Variants in PRR5 observed in about 807,000 individuals in gnomAD.
PRR5 encodes the protein proline rich 5.
PRR5 carries 25 observed loss-of-function variants against 30.6 expected under a neutral mutation model. That is an observed-to-expected ratio of 0.82 (90% CI 0.60 to 1.14). The LOEUF is 1.14. PRR5 is among the 50% of genes most tolerant of loss of function. PRR5 has a pLI of 0.00. For missense variants in PRR5, 600 were observed against 547.1 expected, an observed-to-expected ratio of 1.10 and a Z score of -0.96; for synonymous variants, 286 against 247.1, an observed-to-expected ratio of 1.16 and a Z score of -1.48.
intron 1 of PRR5, among the ~76,000 whole-genome samples, chr22:44,705,094 A>G (rs1042380338): frequency 8.5e-5 from 13 of 152,114 alleles, no homozygotes; most frequent in Non-Finnish European, 1.8e-4. Context: ...AGCTTCCCAG[A>G]GCTGCTGTAA....
upstream of PRR5, among the ~76,000 whole-genome samples, chr22:44,672,095 C>T (rs1254672176): frequency 6.6e-6 from 1 of 152,176 alleles, no homozygotes; most frequent in Admixed American, 6.5e-5. Context: ...GTTGGGGTGG[C>T]CCTAAGGGTA....
chr22:44,710,248 C>T (rs1204770545), intron 1 of PRR5, among the ~76,000 whole-genome samples: 1 of 151,722 alleles, frequency 6.6e-6, no homozygotes, highest in Non-Finnish European at 1.5e-5. Context: ...CAGCATGGAG[C>T]CTCCCTAAGG....
At chr22:44,716,661 G>A (rs1929098489) in intron 2 of PRR5, among the ~76,000 whole-genome samples, 2 of 152,152 alleles carry the variant, frequency 1.3e-5, no homozygotes, top group Non-Finnish European at 2.9e-5. Flanking sequence ...GAGGTCACAG[G>A]GCTAATAATG....
rs1363362786 is a variant in PRR5 at position 44,679,846 on chromosome 22, G to A, written c.-11+2606G>A. ...CAGAGGGAAGCCTGGGGCTCGGGAA[G>A]CCCGGAAAAGATGCCGGCGCAGCCT... On this transcript the variant is annotated intron_variant, in intron 1 of 8. Coordinates refer to the PRR5 transcript ENST00000006251. 7 of 1,598,462 alleles carry A rather than the reference G, an allele frequency of 4.4e-6. No individual in the cohort carries two copies. The African/African-American group carries it at 5.4e-5, about 12-fold the overall frequency.
chr22:44,735,856 A>C (rs1923139054), intron 7 of PRR5, among the ~76,000 whole-genome samples: 1 of 151,984 alleles, frequency 6.6e-6, no homozygotes, highest in Non-Finnish European at 1.5e-5. Flanking sequence ...CTGGTGTAAA[A>C]CCTGCCCACT....
At chr22:44,689,142 C>A (rs909830541) in intron 1 of PRR5, among the ~76,000 whole-genome samples, 6 of 152,094 alleles carry the variant, frequency 3.9e-5, no homozygotes, top group African/African-American at 1.4e-4. Context: ...TTTTCTCGTT[C>A]TCTAAATTGC....
intron 1 of PRR5, among the ~76,000 whole-genome samples, chr22:44,712,937 G>A (rs1205244283): frequency 5.3e-5 from 8 of 152,192 alleles, no homozygotes; most frequent in African/African-American, 1.9e-4. Context: ...GGGGTCAGAG[G>A]GCTTCTTGCA....
At chr22:44,672,071 G>A (rs972052611), upstream of PRR5, among the ~76,000 whole-genome samples, 2 of 152,244 alleles carry the variant, frequency 1.3e-5, no homozygotes, top group African/African-American at 4.8e-5. Flanking sequence ...CGTGGTATTG[G>A]TATTAATGTT....
chr22:44,720,900 GC>G (rs1929834416), intron 2 of PRR5, among the ~76,000 whole-genome samples: 1 of 152,214 alleles, frequency 6.6e-6, no homozygotes. Context: ...GTGGGTTGGA[GC>G]CACCCCAGGT....
chr22:44,692,624 T>C (rs1199248103), intron 1 of PRR5, among the ~76,000 whole-genome samples: 1 of 152,194 alleles, frequency 6.6e-6, no homozygotes, highest in Non-Finnish European at 1.5e-5. Flanking sequence ...GGGCTTCACA[T>C]TGCAGTGTGA....
chr22:44,693,880 C>T (rs1289816887), intron 1 of PRR5, among the ~76,000 whole-genome samples: 2 of 150,240 alleles, frequency 1.3e-5, no homozygotes, highest in African/African-American at 4.9e-5. Context: ...ACGCCCACCT[C>T]AGCCTCCCAA....
intron 1 of PRR5, among the ~76,000 whole-genome samples, chr22:44,696,019 G>T (rs1469670298): frequency 7.2e-6 from 1 of 138,142 alleles, no homozygotes; most frequent in East Asian, 2.3e-4. Flanking sequence ...CACCTCCCAG[G>T]TTTAAGTGAT....
In PRR5 at chr22:44,691,465, T is replaced by G. The variant is rs1354627297; in HGVS notation, c.-10-11027T>G. ...TGCCCCTGGCACGCCTGGAGCTGAC[T>G]CCTCCTGCCCCTGTGAAGAGTTGGG... On this transcript the variant is annotated intron_variant, in intron 1 of 8. Coordinates refer to the PRR5 transcript ENST00000006251. This position sits in a 1 kb window ranked among gnomAD's most constrained non-coding sequence, Gnocchi z 4.4. Among the ~76,000 whole-genome samples the G allele has an allele frequency of 6.6e-6, 1 of 152,044 alleles. No homozygotes were observed. Among genetic ancestry groups the G allele is most frequent in the Non-Finnish European group, 1.5e-5 (1 of 67,976 alleles).
rs149868045 is a variant in PRR5, at chr22:44,685,264, G to T, written c.-11+8024G>T. On this transcript the variant is annotated intron_variant, in intron 1 of 8. Transcript: ENST00000006251. ...GCACTGGGACAGTCCTGCTCTGCTG[G>T]TGACCCTACATATCCCACTCCTGTG... Among the ~76,000 whole-genome samples, 807 of 152,242 alleles carry T rather than the reference G, an allele frequency of 5.3e-3. 2 individuals carry two copies. The highest frequency in any genetic ancestry group is 8.8e-3 in the Non-Finnish European group (597 of 68,024).
rs753229319 is a variant in PRR5, at chr22:44,736,832, G to A, written c.752G>A (p.Arg251His). ...GDVLAKNPVV[R>H]SKSYNTPLLN... ...GTGCTGGCCAAGAACCCTGTGGTGC[G>A]CTCCAAGAGCTACAACACGCCTCTG... The change falls in exon 8 of 8, where the codon CGC becomes CAC. Residue 251 changes from arginine (R) to histidine (H), a missense_variant. By Grantham distance (29) the Arg-to-His change is conservative (BLOSUM62 0). Coordinates refer to ENST00000336985, the MANE Select transcript of PRR5 (RefSeq NM_181333.4). 15 of 1,593,832 alleles carry A rather than the reference G, an allele frequency of 9.4e-6. No individual in the cohort carries two copies. The highest frequency in any genetic ancestry group is 2.3e-5 in the East Asian group (1 of 44,304).
At chr22:44,735,317 G>A (rs1338269309) in intron 7 of PRR5, among the ~76,000 whole-genome samples, 155 bp downstream of exon 7, 1 of 152,214 alleles carries the variant, frequency 6.6e-6, no homozygotes, top group East Asian at 1.9e-4. Context: ...CCATATGCTG[G>A]CCTGGACGTG....
At chr22:44,726,352 G>A (rs570114775) in intron 3 of PRR5, among the ~76,000 whole-genome samples, 1 of 152,350 alleles carries the variant, frequency 6.6e-6, no homozygotes, top group African/African-American at 2.4e-5. Flanking sequence ...CGGGATGTCC[G>A]TGTGACCACC....
chr22:44,681,353 G>A (rs1232695017), intron 1 of PRR5, among the ~76,000 whole-genome samples: 1 of 152,168 alleles, frequency 6.6e-6, no homozygotes, highest in Non-Finnish European at 1.5e-5. Context: ...ACTTTGGGAG[G>A]CCGAGGCGGG....
At chr22:44,689,619 AGTG>A (rs1413680953) in intron 1 of PRR5, among the ~76,000 whole-genome samples, 3 of 152,154 alleles carry the variant, frequency 2.0e-5, no homozygotes, top group African/African-American at 4.8e-5. Flanking sequence ...GCCATGGAAA[AGTG>A]GTGGGGACAG....
Sources: allele counts gnomAD v4.1 joint callset (sites outside exome capture counted in the v4.1 genomes callset), GRCh38; gene constraint gnomAD v4.1.1; non-coding constraint Gnocchi (gnomAD v3.1); transcripts MANE v1.5; gene names NCBI Gene and HGNC (gene_info 2026-07-23, HGNC 2026-07-21).